ZHX2: variants seen among roughly 807,000 people sequenced by gnomAD.
ZHX2 encodes the protein zinc fingers and homeoboxes protein 2.
A neutral mutation model predicts 21.9 loss-of-function variants in ZHX2; 6 were observed. The ratio of observed to expected loss-of-function variants is 0.27; its 90% CI spans 0.15 to 0.54. ZHX2 has a LOEUF of 0.54. Ranked by LOEUF, ZHX2 falls within the 20% of genes least tolerant of loss-of-function variation. The pLI is 0.95. For synonymous variants in ZHX2, 434 were observed against 437.1 expected, an observed-to-expected ratio of 0.99 and a Z score of 0.09; for missense variants, 908 against 1,090.7, an observed-to-expected ratio of 0.83 and a Z score of 2.36.
chr8:122,823,806 A>G (rs1364968334), intron 1 of ZHX2, among the ~76,000 whole-genome samples: 7 of 152,076 alleles, frequency 4.6e-5, no homozygotes, highest in Non-Finnish European at 8.8e-5. Context: ...CTATCCACTC[A>G]TCCTGCTCAG....
intron 2 of ZHX2, among the ~76,000 whole-genome samples, chr8:122,888,851 T>C (rs952023848): frequency 1.3e-5 from 2 of 152,186 alleles, no homozygotes; most frequent in African/African-American, 4.8e-5. Context: ...TCCTCCTATC[T>C]AGCTATGATT....
At chr8:122,780,850 T>G (rs1398626339), upstream of ZHX2, 1 of 152,196 alleles carries the variant, frequency 6.6e-6, no homozygotes, top group Non-Finnish European at 1.5e-5. Flanking sequence ...CTACCAGAGT[T>G]TAAGTCGGCC....
intron 2 of ZHX2, among the ~76,000 whole-genome samples, chr8:122,944,571 G>A (rs558132801): frequency 2.6e-5 from 4 of 152,176 alleles, no homozygotes; most frequent in Admixed American, 6.5e-5. Flanking sequence ...AAGTGGCCCC[G>A]CTCTACACTT....
chr8:122,784,301 G>A (rs548874164), intron 1 of ZHX2, among the ~76,000 whole-genome samples: 12 of 152,282 alleles, frequency 7.9e-5, no homozygotes, highest in African/African-American at 1.9e-4. Context: ...TATATTTTAC[G>A]TGCTTTATCA....
chr8:122,847,379 C>G (rs1818776492), intron 1 of ZHX2, among the ~76,000 whole-genome samples: 1 of 152,206 alleles, frequency 6.6e-6, no homozygotes, highest in Non-Finnish European at 1.5e-5. Flanking sequence ...TTCCCTCTGC[C>G]TGTCACCTTC....
Position 122,953,526 on chromosome 8 carries a change from T to C in ZHX2, c.2016T>C (p.Ile672=). ...AAKTGLVRTE[I]VRWFKENRCL... ...AGACTGGCCTGGTCCGAACTGAGAT[T>C]GTGCGTTGGTTCAAGGAGAACAGAT... The change falls in exon 3 of 4, where the codon ATT becomes ATC. Residue 672 remains isoleucine (I), a synonymous_variant. Transcript: ENST00000314393. The surrounding 1 kb of genome is among the most constrained non-coding windows in gnomAD (Gnocchi z 4.6). The C allele has an allele frequency of 6.2e-7, 1 of 1,614,192 alleles. No individual in the cohort carries two copies. The highest frequency in any genetic ancestry group is 1.1e-5 in the South Asian group (1 of 91,086).
At chr8:122,812,239 T>C (rs187607465) in intron 1 of ZHX2, among the ~76,000 whole-genome samples, 20 of 152,212 alleles carry the variant, frequency 1.3e-4, no homozygotes, top group South Asian at 1.2e-3. Flanking sequence ...GAAAAGGCCA[T>C]GCATTCTGGA....
chr8:122,809,432 G>A (rs1355862450), intron 1 of ZHX2, among the ~76,000 whole-genome samples: 3 of 152,088 alleles, frequency 2.0e-5, no homozygotes, highest in Admixed American at 1.3e-4. Context: ...CCTGGGAGGC[G>A]GAGGTTGCAG....
At chr8:122,970,375 T>C (rs1259661921) in intron 3 of ZHX2, among the ~76,000 whole-genome samples, 1 of 152,246 alleles carries the variant, frequency 6.6e-6, no homozygotes, top group Non-Finnish European at 1.5e-5. Flanking sequence ...GTATGCTGCA[T>C]GGGCCAGACT....
chr8:122,929,898 G>A (rs1820942609), intron 2 of ZHX2, among the ~76,000 whole-genome samples: 1 of 152,170 alleles, frequency 6.6e-6, no homozygotes, highest in Non-Finnish European at 1.5e-5. Context: ...TGCACCTAAT[G>A]GGGAGCCACA....
At chr8:122,971,996 C>G (rs887308086) in intron 3 of ZHX2, among the ~76,000 whole-genome samples, 1 of 152,172 alleles carries the variant, frequency 6.6e-6, no homozygotes, top group Non-Finnish European at 1.5e-5. Context: ...GTTCTGTGCC[C>G]ATCTCCCAGC....
intron 2 of ZHX2, among the ~76,000 whole-genome samples, chr8:122,900,585 C>T (rs937787569): frequency 7.2e-5 from 11 of 152,126 alleles, no homozygotes; most frequent in Admixed American, 2.6e-4. Context: ...GACTTCTGCT[C>T]CTCACACGTG....
At chr8:122,917,964 C>A (rs1820644639) in intron 2 of ZHX2, among the ~76,000 whole-genome samples, 1 of 152,176 alleles carries the variant, frequency 6.6e-6, no homozygotes, top group Admixed American at 6.5e-5. Flanking sequence ...TGAAGGCTTT[C>A]TGGATCCTCT....
At chr8:122,875,738 G>A (rs901215750) in intron 2 of ZHX2, among the ~76,000 whole-genome samples, 4 of 152,244 alleles carry the variant, frequency 2.6e-5, no homozygotes, top group Admixed American at 6.5e-5. Context: ...CGGGTCCCCC[G>A]CCCGTGGTTA....
chr8:122,910,213 C>T (rs1356884822), intron 2 of ZHX2, among the ~76,000 whole-genome samples: 2 of 152,008 alleles, frequency 1.3e-5, no homozygotes, highest in African/African-American at 4.8e-5. Flanking sequence ...ATTCAGGGCA[C>T]TGCCCCGGGC....
chr8:122,956,842 G>A (rs939352482), intron 3 of ZHX2, among the ~76,000 whole-genome samples: 3 of 152,100 alleles, frequency 2.0e-5, no homozygotes, highest in African/African-American at 4.8e-5. Context: ...GTCTAGGGGC[G>A]GCGGTTCTCC....
chr8:122,819,357 A>G (rs1818096416), intron 1 of ZHX2, among the ~76,000 whole-genome samples: 1 of 152,220 alleles, frequency 6.6e-6, no homozygotes, highest in Non-Finnish European at 1.5e-5. Context: ...CATGGCATAG[A>G]GTAAGCATGC....
chr8:122,932,427 T>G (rs1207495687), intron 2 of ZHX2, among the ~76,000 whole-genome samples: 1 of 152,238 alleles, frequency 6.6e-6, no homozygotes, highest in Non-Finnish European at 1.5e-5. Context: ...CCTTGCCTTC[T>G]CCGGCCTCTG....
intron 2 of ZHX2, among the ~76,000 whole-genome samples, chr8:122,893,892 C>T (rs1175214798): frequency 1.3e-5 from 2 of 151,960 alleles, no homozygotes; most frequent in South Asian, 4.2e-4. Flanking sequence ...CTTGTTTTTT[C>T]TTATTTCTGT....
Sources: allele counts gnomAD v4.1 joint callset (sites outside exome capture counted in the v4.1 genomes callset), GRCh38; gene constraint gnomAD v4.1.1; non-coding constraint Gnocchi (gnomAD v3.1); transcripts MANE v1.5; gene names NCBI Gene and HGNC (gene_info 2026-07-23, HGNC 2026-07-21).